Variants in ADAM22 observed in about 807,000 individuals in gnomAD.
ADAM22 encodes the protein ADAM metallopeptidase domain 22.
In ADAM22, 65 loss-of-function variants were observed where a neutral mutation model predicts 144.6. The observed-to-expected ratio is 0.45, with a 90% CI of 0.37 to 0.55. ADAM22 has a LOEUF of 0.55. Among genes scored for constraint, ADAM22 ranks in the 20% least tolerant of loss-of-function variants. The pLI is 0.00. For missense variants in ADAM22, 974 were observed against 1,184.9 expected, an observed-to-expected ratio of 0.82 and a Z score of 2.61; for synonymous variants, 391 against 412.6, an observed-to-expected ratio of 0.95 and a Z score of 0.63.
intron 26 of ADAM22, among the ~76,000 whole-genome samples, chr7:88,172,555 T>A (rs1159620096): frequency 6.6e-6 from 1 of 151,944 alleles, no homozygotes; most frequent in African/African-American, 2.4e-5. Context: ...CTTTCATTTT[T>A]TTCACAAATC....
chr7:88,162,039 A>C (rs1434802293), intron 22 of ADAM22, among the ~76,000 whole-genome samples: 1 of 151,802 alleles, frequency 6.6e-6, no homozygotes, highest in African/African-American at 2.4e-5. Context: ...ACAGTCTCAA[A>C]GACATGGAAT....
chr7:88,024,409 G>A (rs1471308771), intron 3 of ADAM22, among the ~76,000 whole-genome samples: 2 of 152,100 alleles, frequency 1.3e-5, no homozygotes, highest in African/African-American at 4.8e-5. Flanking sequence ...ATACCTCATT[G>A]TAGTTTTGAC....
chr7:88,112,395 T>C (rs971189156), intron 5 of ADAM22, among the ~76,000 whole-genome samples: 4 of 152,162 alleles, frequency 2.6e-5, no homozygotes, highest in Non-Finnish European at 5.9e-5. Context: ...TTTCACCAAT[T>C]TCACTAAATC....
At chr7:88,081,038 AAAAG>A (rs1237527086) in intron 4 of ADAM22, among the ~76,000 whole-genome samples, 2 of 152,320 alleles carry the variant, frequency 1.3e-5, no homozygotes, top group East Asian at 3.9e-4. Context: ...GACACACAAA[AAAAG>A]AGAATTTTAG....
chr7:88,149,406 C>G (rs977043069), intron 18 of ADAM22, among the ~76,000 whole-genome samples: 2 of 152,180 alleles, frequency 1.3e-5, no homozygotes, highest in African/African-American at 4.8e-5. Flanking sequence ...CAGGGACTCA[C>G]AAACACACTG....
At chr7:88,013,706 G>A (rs9689976) in intron 3 of ADAM22, among the ~76,000 whole-genome samples, 89,848 of 152,044 alleles carry the variant, frequency 0.59, 27,237 homozygotes, top group East Asian at 0.85. Context: ...GATTACAGGC[G>A]TGAGCCACCA....
chr7:88,115,656 C>G (rs1161985753), intron 6 of ADAM22, among the ~76,000 whole-genome samples: 2 of 152,124 alleles, frequency 1.3e-5, no homozygotes, highest in Admixed American at 1.3e-4. Flanking sequence ...ACAAAATTAC[C>G]CTGGGTGCCA....
chr7:88,039,464 A>AAAAAAAAAAAAATAT, intron 3 of ADAM22, among the ~76,000 whole-genome samples: 41 of 76,382 alleles, frequency 5.4e-4, no homozygotes, highest in East Asian at 3.7e-3. Flanking sequence ...AAAAAAAAAA[A>AAAAAAAAAAAAATAT]ATATATATAT....
chr7:88,101,225 A>G (rs549714767), intron 4 of ADAM22, among the ~76,000 whole-genome samples: 1 of 151,902 alleles, frequency 6.6e-6, no homozygotes, highest in Admixed American at 6.6e-5. Context: ...CCAGGTTGGC[A>G]ACTACTGTGC....
chr7:88,130,475 G>A lies in ADAM22; in HGVS notation c.825+16G>A, dbSNP rs748103402. 3.0e-5 allele frequency: 48 copies of A among 1,602,680 alleles called. No homozygotes were observed. Among genetic ancestry groups the A allele is most frequent in the South Asian group, 4.4e-5 (4 of 90,330 alleles). On this transcript the variant is annotated intron_variant, in intron 10 of 31. Transcript: ENST00000413139. ...GGCAGATTTAGTAAGTATCAACCCC[G>A]TTCATTATTGCCCTAGAAGATTCTT...
At chr7:88,137,042 G>C (rs1833146861) in intron 14 of ADAM22, among the ~76,000 whole-genome samples, 1 of 151,970 alleles carries the variant, frequency 6.6e-6, no homozygotes, top group Non-Finnish European at 1.5e-5. Context: ...CCCAGCCAAG[G>C]TAACCACCAT....
rs1215351770 is a variant in ADAM22, at chr7:88,155,869, G to T, written c.1788-18G>T. 1 of 1,608,598 alleles carries T rather than the reference G, an allele frequency of 6.2e-7. No homozygotes were observed. The highest frequency in any genetic ancestry group is 1.3e-5 in the African/African-American group (1 of 74,662). On this transcript the variant is annotated intron_variant, in intron 21 of 31. Coordinates refer to ENST00000413139, the MANE Select transcript of ADAM22 (RefSeq NM_001324418.2). ...TATATATTTGGGAAAAGAAGTAATT[G>T]GTAATCTTTTGATACAGGGATGTGC... is the stretch of plus-strand genomic sequence containing the variant.
chr7:88,154,384 C>G (rs1839309089), intron 21 of ADAM22, among the ~76,000 whole-genome samples: 1 of 152,140 alleles, frequency 6.6e-6, no homozygotes, highest in Non-Finnish European at 1.5e-5. Context: ...TCCATGCCTA[C>G]ATTTATGCTC....
rs1473117262 is a variant in ADAM22, at chr7:87,966,726, T to TTTTTG, written c.247-11606_247-11605insGTTTT. Among the ~76,000 whole-genome samples, 69 of 124,812 alleles carry TTTTTG rather than the reference T, an allele frequency of 5.5e-4. 1 individual carries two copies. Among genetic ancestry groups the TTTTTG allele is most frequent in the African/African-American group, 1.7e-3 (54 of 32,498 alleles). 81.9% of individuals were successfully genotyped at this position (124,812 alleles called of 152,430 possible). ...CATCTTATCCAAGGAAAGCCGTTTT[T>TTTTTG]TTTTTTTTTTTTTTTTTTTTTTTTT... On this transcript the variant is annotated intron_variant, in intron 2 of 31. Coordinates refer to ENST00000413139, the MANE Select transcript of ADAM22 (RefSeq NM_001324418.2).
chr7:88,122,644 A>T (rs569401599), intron 7 of ADAM22, among the ~76,000 whole-genome samples: 1 of 152,192 alleles, frequency 6.6e-6, no homozygotes, highest in Non-Finnish European at 1.5e-5. Flanking sequence ...AATTTCTCTT[A>T]GTCCTTCTGT....
chr7:87,944,816 G>GTTTTTTTTTTTTTTT (rs11311070), intron 2 of ADAM22, among the ~76,000 whole-genome samples: 12 of 127,030 alleles, frequency 9.4e-5, no homozygotes, highest in Non-Finnish European at 1.5e-4. Flanking sequence ...GGAAACTTGT[G>GTTTTTTTTTTTTTTT]TTTTTTTTTT....
intron 3 of ADAM22, among the ~76,000 whole-genome samples, chr7:88,024,162 AGATGTCT>A (rs1188872499): frequency 2.6e-5 from 4 of 152,194 alleles, no homozygotes; most frequent in Non-Finnish European, 4.4e-5. Flanking sequence ...ATGGAAGTAC[AGATGTCT>A]GTTATACCGA....
intron 11 of ADAM22, chr7:88,131,986 A>G (rs1334235536): frequency 2.0e-5 from 3 of 152,170 alleles, no homozygotes; most frequent in Non-Finnish European, 4.4e-5. Flanking sequence ...AACTTTATAT[A>G]TAATTCCAAA....
chr7:87,954,955 G>A (rs903804903), intron 2 of ADAM22, among the ~76,000 whole-genome samples: 5 of 152,028 alleles, frequency 3.3e-5, no homozygotes, highest in East Asian at 1.9e-4. Context: ...CATTCTTCAC[G>A]TAGTTCTCGA....
Sources: gnomAD v4.1 joint callset for allele counts (sites outside exome capture counted in the v4.1 genomes callset) on GRCh38, gnomAD v4.1.1 for gene constraint, MANE v1.5 for transcripts, NCBI Gene and HGNC (gene_info 2026-07-23, HGNC 2026-07-21) for gene names.